SALL4: variants seen among roughly 807,000 people sequenced by gnomAD.
The protein encoded by SALL4 is sal-like protein 4.
SALL4 carries 4 observed loss-of-function variants against 60.8 expected under a neutral mutation model. The ratio of observed to expected loss-of-function variants is 0.07; its 90% CI spans 0.03 to 0.15. The LOEUF (loss-of-function observed/expected upper bound fraction) is 0.15. SALL4 is among the 10% of genes least tolerant of loss of function. The probability of loss-of-function intolerance (pLI) is 1.00; values close to 1 mark genes in which losing one functional copy is unlikely to be tolerated. For synonymous variants in SALL4, 580 were observed against 574.9 expected (o/e 1.01, Z -0.13); for missense variants, 1,178 against 1,394.7 (o/e 0.84, Z 2.48).
Position 51,788,895 on chromosome 20 carries a change from C to T in SALL4, c.2708G>A (p.Cys903Tyr). 2 of 1,614,214 alleles carry T rather than the reference C, an allele frequency of 1.2e-6. No individual in the cohort carries two copies. Among genetic ancestry groups the T allele is most frequent in the Non-Finnish European group, 1.7e-6 (2 of 1,180,036 alleles). The stretch of plus-strand genomic sequence containing the variant: ...GCCTTTGGTGGTAAAAGCTCGCCCA[C>T]AAATGTTGCACACAAAAGGCTTCTC... ...TGEKPFVCNI[C>Y]GRAFTTKGNL... is the part of the protein sequence containing the mutation. The change falls in exon 3 of 4, where the codon TGT becomes TAT. Residue 903 changes from cysteine to tyrosine, a missense_variant. This residue lies in a region of SALL4 where 37 missense variants were observed against 73.5 expected (regional missense o/e 0.50). Transcript: ENST00000217086. This position sits in a 1 kb window ranked among gnomAD's most constrained non-coding sequence, Gnocchi z 4.1.
rs370319434 is a variant in SALL4 at position 51,784,331 on chromosome 20, A to G, written c.3096T>C (p.Ala1032=). 460 of 1,614,190 alleles carry G rather than the reference A, an allele frequency of 2.8e-4. No homozygotes were observed. The highest frequency in any genetic ancestry group is 3.7e-4 in the Non-Finnish European group (434 of 1,180,038). Residue 1032 remains alanine (A), a synonymous_variant, in exon 4 of 4, where the codon GCT becomes GCC. Transcript: ENST00000217086. ...ACTGGTGTTTGGGAACGCCGTCAGT[A>G]GCACTTGGTTTTTCCACATCTGCAC... ...GISADVEKPS[A]TDGVPKHQFP...
intron 1 of SALL4, 121 bp downstream of exon 1, chr20:51,802,158 C>A: frequency 7.9e-7 from 1 of 1,269,190 alleles, no homozygotes; most frequent in East Asian, 2.5e-5. Flanking sequence ...CACTGAGCCC[C>A]CAAATCTCGG....
At chr20:51,793,697 C>T (rs751161753) in intron 1 of SALL4, among the ~76,000 whole-genome samples, 4 of 152,236 alleles carry the variant, frequency 2.6e-5, no homozygotes, top group African/African-American at 4.8e-5. Context: ...CCAAAGTGCT[C>T]GGATTACAGG....
chr20:51,790,495 C>T lies in SALL4; in HGVS notation c.1988G>A (p.Cys663Tyr), dbSNP rs745687177. 6.2e-7 allele frequency: 1 copy of T among 1,614,038 alleles called. No individual in the cohort carries two copies. The highest frequency in any genetic ancestry group is 8.5e-7 in the Non-Finnish European group (1 of 1,180,050). Residue 663 changes from cysteine (C) to tyrosine (Y), a missense_variant, in exon 2 of 4, where the codon TGT becomes TAT. This residue lies in a region of SALL4 where 853 missense variants were observed against 1,036.8 expected (regional missense o/e 0.82). Coordinates refer to ENST00000217086, the MANE Select transcript of SALL4 (RefSeq NM_020436.5). This position sits in a 1 kb window ranked among gnomAD's most constrained non-coding sequence, Gnocchi z 5.5. The part of the protein sequence containing the change: ...IPNTPLPENP[C>Y]DFTGSEPMTV... ...CATTGGCTCAGAACCCGTAAAGTCA[C>T]AGGGATTCTCTGGCAGGGGCGTGTT...
In SALL4 at chr20:51,784,165, A is replaced by G. The variant is rs908602646; in HGVS notation, c.*100T>C. On this transcript the variant is annotated 3_prime_UTR_variant, in exon 4 of 4. Coordinates refer to ENST00000217086, the MANE Select transcript of SALL4 (RefSeq NM_020436.5). The stretch of plus-strand genomic sequence containing the variant: ...ACGTAGTAAACATCATTTGCATATC[A>G]GTAAGAAAAAGAAAACAGGAGGAGA... 19 of 1,370,810 alleles carry G rather than the reference A, an allele frequency of 1.4e-5. No individual in the cohort carries two copies. The African/African-American group carries it at 2.6e-4, about 19-fold the overall frequency. 84.9% of individuals were successfully genotyped at this position (1,370,810 alleles called of 1,614,324 possible).
intron 1 of SALL4, among the ~76,000 whole-genome samples, chr20:51,794,876 T>A (rs1345090692): frequency 6.6e-6 from 1 of 152,144 alleles, no homozygotes; most frequent in Non-Finnish European, 1.5e-5. Context: ...TTTGTACCCC[T>A]CTGATCATGT....
Position 51,784,063 on chromosome 20 carries a change from T to TA in SALL4, c.*201dup. On this transcript the variant is annotated 3_prime_UTR_variant, in exon 4 of 4. Transcript: ENST00000217086. ...TTTGTTTTGGTATGCATTTTTTTTT[T>TA]ATTTTTTCAACTTTTTGCAAAGCAG... 1 of 628,142 alleles carries TA rather than the reference T, an allele frequency of 1.6e-6. No homozygotes were observed. Among genetic ancestry groups the TA allele is most frequent in the East Asian group, 2.8e-5 (1 of 35,980 alleles). The allele number at this position is 628,142 out of a possible 1,614,324, so 38.9% of individuals were successfully genotyped here.
At chr20:51,792,411 G>A (rs2078053206) in intron 1 of SALL4, 59 bp from the exon 2 acceptor site, 17 of 1,585,156 alleles carry the variant, frequency 1.1e-5, no homozygotes, top group South Asian at 4.4e-5. Flanking sequence ...GGGGGGAGCC[G>A]GGCACCGTCG....
chr20:51,789,884 C>A, intron 2 of SALL4, 138 bp downstream of exon 2: 1 of 1,023,224 alleles, frequency 9.8e-7, no homozygotes, highest in South Asian at 1.4e-5. Context: ...GCCCTCTACC[C>A]AGAAGTAAAG....
rs767238846 is a variant in SALL4, at chr20:51,790,965, G to C, written c.1518C>G (p.Asp506Glu). 20 of 1,614,016 alleles carry C rather than the reference G, an allele frequency of 1.2e-5. No individual in the cohort carries two copies. In the East Asian group the frequency reaches 3.6e-4, roughly 29 times the overall value. ...KDLTGGSLPG[D>E]LQPGPSPESE... Reference sequence around the variant, plus strand: ...TTTCTGGAGAAGGCCCAGGCTGCAGGTCACCGGGCAAGGAGCCACCCGTGA... The same window carrying C: ...TTTCTGGAGAAGGCCCAGGCTGCAGCTCACCGGGCAAGGAGCCACCCGTGA... The change falls in exon 2 of 4, where the codon GAC becomes GAG. Residue 506 changes from aspartate to glutamate, a missense_variant. Asp to Glu is a conservative substitution (Grantham distance 45). Transcript: ENST00000217086. The surrounding 1 kb of genome is among the most constrained non-coding windows in gnomAD (Gnocchi z 5.5).
In SALL4 at chr20:51,790,810, A is replaced by G; in HGVS notation, c.1673T>C (p.Ile558Thr). Reference sequence around the variant, plus strand: ...GTTGGGATCAGTGGTGGCCTTGTCAATGTTCTCCACCAACTGCTGCAATTT... The same window carrying G: ...GTTGGGATCAGTGGTGGCCTTGTCAGTGTTCTCCACCAACTGCTGCAATTT... ...TLKLQQLVENIDKATTDPNEC... is the reference protein window; with the variant it reads ...TLKLQQLVENTDKATTDPNEC... The change falls in exon 2 of 4, where the codon ATT becomes ACT. Residue 558 changes from isoleucine (I) to threonine (T), a missense_variant. Physicochemically the swap from Ile to Thr is moderately conservative, Grantham distance 89 (BLOSUM62 -1). Around this residue, in one of 5 missense-constraint regions of SALL4, gnomAD observed 853 missense variants for 1,036.8 expected, o/e 0.82. Transcript: ENST00000217086. This position sits in a 1 kb window ranked among gnomAD's most constrained non-coding sequence, Gnocchi z 5.5. 3 of 1,614,058 alleles carry G rather than the reference A, an allele frequency of 1.9e-6. No homozygotes were observed. Among genetic ancestry groups the G allele is most frequent in the Non-Finnish European group, 2.5e-6 (3 of 1,180,004 alleles).
In SALL4 at chr20:51,790,958, GCTGCAGGT is replaced by G. The variant is rs1344635356; in HGVS notation, c.1517_1524del (p.Asp506AlafsTer8). ...CCCTCACTTTCTGGAGAAGGCCCAG[GCTGCAGGT>G]CACCGGGCAAGGAGCCACCCGTGAG... On this transcript the variant is annotated frameshift_variant, in exon 2 of 4. Coordinates refer to ENST00000217086, the MANE Select transcript of SALL4 (RefSeq NM_020436.5). LOFTEE classifies it high-confidence loss of function. This position sits in a 1 kb window ranked among gnomAD's most constrained non-coding sequence, Gnocchi z 5.5. The G allele has an allele frequency of 6.2e-7, 1 of 1,614,034 alleles. No homozygotes were observed. Among genetic ancestry groups the G allele is most frequent in the Non-Finnish European group, 8.5e-7 (1 of 1,180,034 alleles).
intron 3 of SALL4, among the ~76,000 whole-genome samples, chr20:51,785,705 G>A (rs59448680): frequency 0.011 from 1,676 of 150,438 alleles, 31 homozygotes; most frequent in African/African-American, 0.038. Context: ...GTGCAGTGGC[G>A]CAATCTCGGC....
In SALL4 at chr20:51,788,295, C is replaced by G. The variant is rs1472781297; in HGVS notation, c.2742+566G>C. Among the ~76,000 whole-genome samples the G allele has an allele frequency of 6.6e-6, 1 of 151,182 alleles. No individual in the cohort carries two copies. The highest frequency in any genetic ancestry group is 1.5e-5 in the Non-Finnish European group (1 of 67,892). ...TTCAGCTTCCCAATTGGCGGGGACC[C>G]AAGCATGCAACACCATGCCCAACTA... is the stretch of plus-strand genomic sequence containing the variant. On this transcript the variant is annotated intron_variant, in intron 3 of 3. Coordinates refer to ENST00000217086, the MANE Select transcript of SALL4 (RefSeq NM_020436.5). This position sits in a 1 kb window ranked among gnomAD's most constrained non-coding sequence, Gnocchi z 4.1.
Position 51,788,872 on chromosome 20 carries a change from C to G in SALL4, c.2731G>C (p.Gly911Arg). Residue 911 changes from glycine (G) to arginine (R), a missense_variant, in exon 3 of 4, where the codon GGC (glycine) becomes CGC (arginine). By Grantham distance (125) the Gly-to-Arg change is moderately radical. This residue lies in a region of SALL4 where 37 missense variants were observed against 73.5 expected (regional missense o/e 0.50). Transcript: ENST00000217086. This position sits in a 1 kb window ranked among gnomAD's most constrained non-coding sequence, Gnocchi z 4.1. ...CCACACAAACCCACCTTTAAGTTGC[C>G]TTTGGTGGTAAAAGCTCGCCCACAA... Reference protein sequence around the residue: ...NICGRAFTTKGNLKVHYMTHG... With the variant: ...NICGRAFTTKRNLKVHYMTHG... The G allele has an allele frequency of 6.2e-7, 1 of 1,614,172 alleles. No individual in the cohort carries two copies. The highest frequency in any genetic ancestry group is 8.5e-7 in the Non-Finnish European group (1 of 1,180,038).
intron 2 of SALL4, 48 bp downstream of exon 2, chr20:51,789,974 T>C: frequency 6.2e-7 from 1 of 1,612,038 alleles, no homozygotes; most frequent in Non-Finnish European, 8.5e-7. Context: ...TCCTTTTTGA[T>C]GACCTTGAGC....
Position 51,790,419 on chromosome 20 carries a change from G to A in SALL4, c.2064C>T (p.Ile688=), listed in dbSNP as rs774342189. ...STGAICHDDV[I]ESIDVEEVSS... is the part of the protein sequence containing the mutation. ...TGACTTCCTCTACATCGATGCTTTC[G>A]ATGACATCATCATGGCAGATAGCGC... The change falls in exon 2 of 4, where the codon ATC becomes ATT. Residue 688 remains isoleucine (I), a synonymous_variant. Transcript: ENST00000217086. The surrounding 1 kb of genome is among the most constrained non-coding windows in gnomAD (Gnocchi z 5.5). The A allele has an allele frequency of 6.2e-6, 10 of 1,614,044 alleles. No individual in the cohort carries two copies. Among genetic ancestry groups the A allele is most frequent in the Admixed American group, 1.7e-5 (1 of 59,996 alleles).
Position 51,788,677 on chromosome 20 carries a change from G to A in SALL4, c.2742+184C>T, listed in dbSNP as rs183861797. On this transcript the variant is annotated intron_variant, in intron 3 of 3. Transcript: ENST00000217086. This position sits in a 1 kb window ranked among gnomAD's most constrained non-coding sequence, Gnocchi z 4.1. ...GGCGCCACTGCACTCCAGTCTGGGCGACAGAGTGAGACTCCGTCTCAAAAA... is the reference window on the plus strand; with the variant it reads ...GGCGCCACTGCACTCCAGTCTGGGCAACAGAGTGAGACTCCGTCTCAAAAA... Among the ~76,000 whole-genome samples the A allele has an allele frequency of 8.5e-5, 13 of 152,132 alleles. No individual in the cohort carries two copies. The East Asian group carries it at 9.7e-4, about 11-fold the overall frequency.
At chr20:51,787,040 A>G (rs1417977124) in intron 3 of SALL4, among the ~76,000 whole-genome samples, 1 of 152,074 alleles carries the variant, frequency 6.6e-6, no homozygotes, top group African/African-American at 2.4e-5. Flanking sequence ...GGTTGCAGTG[A>G]GTCAAGATGG....
Sources: gnomAD v4.1 joint callset for allele counts (sites outside exome capture counted in the v4.1 genomes callset) on GRCh38, gnomAD v4.1.1 for gene constraint, gnomAD v4.1.1 regional missense constraint, Gnocchi (gnomAD v3.1) non-coding constraint, MANE v1.5 for transcripts, NCBI Gene and HGNC (gene_info 2026-07-23, HGNC 2026-07-21) for gene names.